The following KAZN variants were observed in gnomAD, a reference collection of about 807,000 sequenced individuals.
KAZN encodes the protein kazrin, periplakin interacting protein.
A neutral mutation model predicts 87.4 loss-of-function variants in KAZN; 40 were observed. The observed-to-expected ratio is 0.46, with a 90% CI of 0.36 to 0.60. The LOEUF is 0.60. Ranked by LOEUF, KAZN falls within the 20% of genes least tolerant of loss-of-function variation. The probability of loss-of-function intolerance (pLI) is 0.00; values close to 1 mark genes in which losing one functional copy is unlikely to be tolerated. For missense variants in KAZN, 898 were observed against 1,073.9 expected, an observed-to-expected ratio of 0.84 and a Z score of 2.29; for synonymous variants, 466 against 458.3, an observed-to-expected ratio of 1.02 and a Z score of -0.22.
At chr1:14,550,731 CTCTCTCT>C (rs1376824735) in intron 2 of KAZN, among the ~76,000 whole-genome samples, 70 of 85,758 alleles carry the variant, frequency 8.2e-4, no homozygotes, top group African/African-American at 1.8e-3. Context: ...CTCTCTCTCT[CTCTCTCT>C]CCCCCACCCC....
chr1:14,684,199 A>C (rs1640831172), intron 1 of KAZN, among the ~76,000 whole-genome samples: 1 of 151,826 alleles, frequency 6.6e-6, no homozygotes, highest in African/African-American at 2.4e-5. Context: ...GACATTGTAG[A>C]CTCCAGGAAT....
chr1:14,503,466 A>G (rs2148431886), intron 2 of KAZN, among the ~76,000 whole-genome samples: 1 of 150,902 alleles, frequency 6.6e-6, no homozygotes, highest in African/African-American at 2.4e-5. Context: ...CCTGGGCGAC[A>G]GAGCAAGACT....
In KAZN at chr1:14,779,350, TC is replaced by T. The variant is rs529415327; in HGVS notation, c.226+180128del. Among the ~76,000 whole-genome samples, 498 of 152,318 alleles carry T rather than the reference TC, an allele frequency of 3.3e-3. 8 individuals are homozygous for T. Among genetic ancestry groups the T allele is most frequent in the Non-Finnish European group, 7.6e-4 (52 of 68,024 alleles). ...GGCAGTGTGGGCCCCCCGGCTTCCCTCTGGGGCTTTTCTGGAGCCTGCAGGC... is the reference window on the plus strand; with the variant it reads ...GGCAGTGTGGGCCCCCCGGCTTCCCTTGGGGCTTTTCTGGAGCCTGCAGGC... On this transcript the variant is annotated intron_variant, in intron 1 of 14. Coordinates refer to ENST00000376030, the MANE Select transcript of KAZN (RefSeq NM_201628.3).
At chr1:14,529,352 C>T (rs781132340) in intron 2 of KAZN, among the ~76,000 whole-genome samples, 4 of 152,152 alleles carry the variant, frequency 2.6e-5, no homozygotes, top group Non-Finnish European at 4.4e-5. Flanking sequence ...ATTACCATCC[C>T]GCTATCCAAT....
intron 2 of KAZN, among the ~76,000 whole-genome samples, chr1:14,997,779 T>TG (rs1328169563): frequency 1.3e-5 from 2 of 152,106 alleles, no homozygotes; most frequent in Non-Finnish European, 2.9e-5. Flanking sequence ...CCTGGGCACC[T>TG]GGGGTCCACT....
intron 1 of KAZN, among the ~76,000 whole-genome samples, chr1:14,161,135 G>A (rs1242490498): frequency 6.6e-6 from 1 of 152,238 alleles, no homozygotes; most frequent in Non-Finnish European, 1.5e-5. Flanking sequence ...GTCTTGTCAG[G>A]TTATTGGAGC....
At chr1:14,397,588 G>A (rs564797770) in intron 2 of KAZN, among the ~76,000 whole-genome samples, 3 of 152,242 alleles carry the variant, frequency 2.0e-5, no homozygotes, top group Non-Finnish European at 4.4e-5. Flanking sequence ...TGGGGGCGGT[G>A]GTTCATGCCT....
intron 2 of KAZN, among the ~76,000 whole-genome samples, chr1:14,306,346 C>T (rs1654927913): frequency 6.6e-6 from 1 of 152,176 alleles, no homozygotes; most frequent in South Asian, 2.1e-4. Context: ...CACGCATGAG[C>T]TCAAATGCAA....
intron 2 of KAZN, among the ~76,000 whole-genome samples, chr1:14,231,225 T>A (rs1323161902): frequency 6.6e-6 from 1 of 152,210 alleles, no homozygotes; most frequent in Non-Finnish European, 1.5e-5. Context: ...GCCAATGAGA[T>A]GACTGTCATC....
chr1:15,098,783 T>G (rs1284601710), intron 10 of KAZN, among the ~76,000 whole-genome samples: 2 of 152,178 alleles, frequency 1.3e-5, no homozygotes, highest in Non-Finnish European at 2.9e-5. Flanking sequence ...AGCCTCCAGG[T>G]GGACTGGGGC....
At chr1:14,591,180 C>A (rs546386224) in intron 2 of KAZN, among the ~76,000 whole-genome samples, 3 of 152,146 alleles carry the variant, frequency 2.0e-5, no homozygotes, top group East Asian at 1.9e-4. Flanking sequence ...TGCCCCCCCC[C>A]CATGGACACA....
rs1398725714 is a variant in KAZN at position 14,665,972 on chromosome 1, GGA to G, written c.226+66752_226+66753del. On this transcript the variant is annotated intron_variant, in intron 1 of 14. Coordinates refer to ENST00000376030, the MANE Select transcript of KAZN (RefSeq NM_201628.3). ...AAAAAAATAACATACAGAAAGGTCA[GGA>G]GATGGATAACAATGTCTTCGGAGAT... Among the ~76,000 whole-genome samples, 8 of 151,072 alleles carry G rather than the reference GGA, an allele frequency of 5.3e-5. No homozygotes were observed. The East Asian group carries it at 1.6e-3, about 29-fold the overall frequency.
chr1:13,958,584 AAAAAATT>A (rs1192102858), intron 1 of KAZN, among the ~76,000 whole-genome samples: 2 of 151,654 alleles, frequency 1.3e-5, no homozygotes, highest in Non-Finnish European at 2.9e-5. Flanking sequence ...AAAAAAAAAA[AAAAAATT>A]AAAAATTAAC....
intron 1 of KAZN, among the ~76,000 whole-genome samples, chr1:14,746,361 A>G (rs1343143956): frequency 6.6e-6 from 1 of 152,190 alleles, no homozygotes; most frequent in Admixed American, 6.5e-5. Flanking sequence ...CCACCACTCA[A>G]TAACAAGAGC....
chr1:14,228,516 A>G (rs974833104), intron 2 of KAZN, among the ~76,000 whole-genome samples: 4 of 152,206 alleles, frequency 2.6e-5, no homozygotes, highest in African/African-American at 9.6e-5. Context: ...CCATTTGCTC[A>G]GAGAAGGGCC....
intron 1 of KAZN, among the ~76,000 whole-genome samples, chr1:14,059,106 G>A (rs1317242359): frequency 1.3e-5 from 2 of 152,146 alleles, no homozygotes; most frequent in African/African-American, 4.8e-5. Context: ...CTTTTAACCT[G>A]GTGTTATTAG....
intron 2 of KAZN, among the ~76,000 whole-genome samples, chr1:14,371,184 AGGGCCAAGCAAGCTACATTT>A (rs1660453751): frequency 6.6e-6 from 1 of 152,206 alleles, no homozygotes; most frequent in African/African-American, 2.4e-5. Flanking sequence ...GGTCTGCGGT[AGGGCCAAGCAAGCTACATTT>A]GGGACAAGTC....
intron 2 of KAZN, among the ~76,000 whole-genome samples, chr1:14,383,154 T>C (rs1661527336): frequency 6.6e-6 from 1 of 152,148 alleles, no homozygotes; most frequent in Non-Finnish European, 1.5e-5. Flanking sequence ...TCATCCACTT[T>C]TTGATGGGGT....
chr1:14,742,582 A>G (rs1442775985), intron 1 of KAZN, among the ~76,000 whole-genome samples: 1 of 152,190 alleles, frequency 6.6e-6, no homozygotes, highest in Non-Finnish European at 1.5e-5. Context: ...TTGGGACAAT[A>G]AGCCTGGAGG....
Sources: gnomAD v4.1 joint callset for allele counts (sites outside exome capture counted in the v4.1 genomes callset) on GRCh38, gnomAD v4.1.1 for gene constraint, MANE v1.5 for transcripts, NCBI Gene and HGNC (gene_info 2026-07-23, HGNC 2026-07-21) for gene names.